NRG1: variants seen among roughly 807,000 people sequenced by gnomAD.
NRG1 encodes the protein neuregulin 1, also known as pro-neuregulin-1, membrane-bound isoform.
A neutral mutation model predicts 63.8 loss-of-function variants in NRG1; 18 were observed. That is an observed-to-expected ratio of 0.28 (90% CI 0.19 to 0.42). The LOEUF is 0.42. NRG1 is among the 10% of genes least tolerant of loss of function. The pLI, the probability that NRG1 is intolerant of heterozygous loss-of-function variation, is 1.00. For synonymous variants in NRG1, 302 were observed against 301.3 expected, an observed-to-expected ratio of 1.00 and a Z score of -0.02; for missense variants, 762 against 814.7, an observed-to-expected ratio of 0.94 and a Z score of 0.79.
rs139561080 is a variant in NRG1, at chr8:31,674,356, C to T, written c.37+34925C>T. Among the ~76,000 whole-genome samples, 176 of 152,250 alleles carry T rather than the reference C, an allele frequency of 1.2e-3. 2 individuals are homozygous for T. The highest frequency in any genetic ancestry group is 4.0e-3 in the African/African-American group (167 of 41,532). On this transcript the variant is annotated intron_variant, in intron 1 of 10. Coordinates refer to the NRG1 transcript ENST00000519301. ...TCACATGTTACAGTTCTACCCGCAA[C>T]GTATAAGGGTTTCACTTTCTCTACA... is the stretch of plus-strand genomic sequence containing the variant.
intron 1 of NRG1, among the ~76,000 whole-genome samples, chr8:32,249,771 T>C (rs561780556): frequency 6.6e-6 from 1 of 152,120 alleles, no homozygotes. Context: ...AAGATCCCAG[T>C]GCAGGAGATC....
intron 1 of NRG1, among the ~76,000 whole-genome samples, chr8:31,663,072 G>A (rs1585492772): frequency 2.6e-5 from 4 of 152,124 alleles, no homozygotes; most frequent in Admixed American, 2.6e-4. Flanking sequence ...TGCGTGGATG[G>A]AACACCCAGG....
chr8:32,502,120 T>C (rs6996494), intron 1 of NRG1, among the ~76,000 whole-genome samples: 86,708 of 151,820 alleles, frequency 0.57, 25,165 homozygotes, highest in East Asian at 0.79. Flanking sequence ...CACAGCTCTG[T>C]AGGCTATACA....
chr8:32,317,593 C>A (rs1251965923), intron 1 of NRG1, among the ~76,000 whole-genome samples: 1 of 152,132 alleles, frequency 6.6e-6, no homozygotes, highest in Admixed American at 6.5e-5. Flanking sequence ...TCCAGTTGCT[C>A]CTAATATTAC....
chr8:31,848,530 GTC>G (rs72344434), intron 1 of NRG1, among the ~76,000 whole-genome samples: 31,062 of 152,084 alleles, frequency 0.2, 3,563 homozygotes, highest in Non-Finnish European at 0.25. Flanking sequence ...TCAGTTCACG[GTC>G]TGTTAGGAAC....
At chr8:31,649,197 C>T (rs953683688) in intron 1 of NRG1, among the ~76,000 whole-genome samples, 6 of 152,090 alleles carry the variant, frequency 3.9e-5, no homozygotes, top group South Asian at 2.1e-4. Context: ...TCAGGTGATC[C>T]GCCTGCCTCG....
intron 1 of NRG1, among the ~76,000 whole-genome samples, chr8:31,714,940 G>T (rs569036136): frequency 2.0e-5 from 3 of 151,860 alleles, no homozygotes; most frequent in Admixed American, 1.3e-4. Context: ...CTAAATACCC[G>T]CTGTGTCCAT....
intron 1 of NRG1, among the ~76,000 whole-genome samples, chr8:32,433,103 C>T (rs1818358001): frequency 6.6e-6 from 1 of 152,070 alleles, no homozygotes; most frequent in Admixed American, 6.6e-5. Flanking sequence ...TTGACTTGGA[C>T]AGTCATTGTG....
intron 1 of NRG1, among the ~76,000 whole-genome samples, chr8:32,532,943 G>GT (rs1002477555): frequency 6.6e-6 from 1 of 151,194 alleles, no homozygotes; most frequent in East Asian, 1.9e-4. Flanking sequence ...TAAGTTGCTG[G>GT]TTTTTTTAAT....
chr8:31,760,597 AT>A (rs1189338521), intron 1 of NRG1, among the ~76,000 whole-genome samples: 2 of 152,070 alleles, frequency 1.3e-5, no homozygotes, highest in Non-Finnish European at 2.9e-5. Context: ...ACTCAAACAA[AT>A]TTACAAGAAA....
intron 1 of NRG1, among the ~76,000 whole-genome samples, chr8:31,838,336 T>G (rs1247498135): frequency 2.0e-5 from 3 of 152,148 alleles, no homozygotes; most frequent in Non-Finnish European, 4.4e-5. Flanking sequence ...CCTGTTTTAA[T>G]TATTTTAGAT....
In NRG1 at chr8:32,364,957, C is replaced by CT. The variant is rs372216683; in HGVS notation, c.38-230852dup. ...TGAATAAAATGTACTCCCTTTACTA[C>CT]TTTTTTTTTTTTTTTTTTTGAGACA... On this transcript the variant is annotated intron_variant, in intron 1 of 10. Coordinates refer to the NRG1 transcript ENST00000519301. Among the ~76,000 whole-genome samples the CT allele has an allele frequency of 2.0e-3, 213 of 108,436 alleles. 3 individuals carry two copies. Among genetic ancestry groups the CT allele is most frequent in the South Asian group, 6.1e-3 (20 of 3,302 alleles). 71.1% of individuals were successfully genotyped at this position (108,436 alleles called of 152,430 possible).
At chr8:32,601,131 C>T (rs1844280821) in intron 2 of NRG1, among the ~76,000 whole-genome samples, 1 of 152,148 alleles carries the variant, frequency 6.6e-6, no homozygotes, top group Non-Finnish European at 1.5e-5. Flanking sequence ...CATTAGAATT[C>T]AGAGGGATGT....
chr8:31,747,473 A>T (rs555328194), intron 1 of NRG1, among the ~76,000 whole-genome samples: 1 of 152,136 alleles, frequency 6.6e-6, no homozygotes, highest in South Asian at 2.1e-4. Context: ...CAGTTAATTA[A>T]TTCAATTCAG....
chr8:32,311,574 A>G (rs1244929345), intron 1 of NRG1, among the ~76,000 whole-genome samples: 1 of 152,218 alleles, frequency 6.6e-6, no homozygotes, highest in African/African-American at 2.4e-5. Context: ...AGTCACACTT[A>G]GAAAATATAG....
At chr8:32,000,361 T>C (rs1005592419) in intron 1 of NRG1, among the ~76,000 whole-genome samples, 1 of 151,908 alleles carries the variant, frequency 6.6e-6, no homozygotes, top group South Asian at 2.1e-4. Context: ...CCTCAACATC[T>C]TCACCTTGTT....
intron 1 of NRG1, among the ~76,000 whole-genome samples, chr8:32,293,758 C>T (rs145843337): frequency 0.067 from 7,600 of 112,890 alleles, 260 homozygotes; most frequent in Middle Eastern, 0.11. Context: ...TTCACTCTGT[C>T]GCCCAGGCTG....
intron 1 of NRG1, chr8:32,287,647 C>G (rs1357271832): frequency 6.6e-6 from 1 of 152,184 alleles, no homozygotes; most frequent in Non-Finnish European, 1.5e-5. Flanking sequence ...GTTCCTGGTT[C>G]TATGCATGTG....
chr8:32,688,437 C>T (rs1443062803), intron 5 of NRG1, among the ~76,000 whole-genome samples: 4 of 152,130 alleles, frequency 2.6e-5, no homozygotes, highest in African/African-American at 2.4e-5. Flanking sequence ...TGGTTATCTT[C>T]GAATGTGCCT....
Sources: gnomAD v4.1 joint callset for allele counts (sites outside exome capture counted in the v4.1 genomes callset) on GRCh38, gnomAD v4.1.1 for gene constraint, MANE v1.5 for transcripts, NCBI Gene and HGNC (gene_info 2026-07-23, HGNC 2026-07-21) for gene names.